The following CNTN1 variants were observed in gnomAD, a reference collection of about 807,000 sequenced individuals.
The protein encoded by CNTN1 is contactin 1, also known as contactin-1.
A neutral mutation model predicts 126.4 loss-of-function variants in CNTN1; 38 were observed. The ratio of observed to expected loss-of-function variants is 0.30; its 90% CI spans 0.23 to 0.39. The LOEUF is 0.39. Among genes scored for constraint, CNTN1 ranks in the 10% least tolerant of loss-of-function variants. CNTN1 has a pLI of 1.00. For missense variants in CNTN1, 1,009 were observed against 1,248.4 expected (o/e 0.81, Z 2.89); for synonymous variants, 413 against 422.6 (o/e 0.98, Z 0.28).
At chr12:41,029,371 T>A in intron 23 of CNTN1, 152 bp downstream of exon 23, 1 of 856,546 alleles carries the variant, frequency 1.2e-6, no homozygotes, top group Admixed American at 1.9e-5. Context: ...ACTTGGTATT[T>A]CTCCTCTTAT....
rs1949357546 is a variant in CNTN1, at chr12:41,039,848, A to G, written c.2980+10629A>G. On this transcript the variant is annotated intron_variant, in intron 23 of 23. Transcript: ENST00000551295. ...TACTTCTAGTTAAAGAATAATTAAA[A>G]TTGCTGAACAGAGTCAGTATTATAT... Among the ~76,000 whole-genome samples the G allele has an allele frequency of 2.0e-5, 3 of 150,684 alleles. No homozygotes were observed. The South Asian group carries it at 6.2e-4, about 31-fold the overall frequency.
chr12:40,868,596 T>C (rs1488584961), intron 1 of CNTN1, among the ~76,000 whole-genome samples: 1 of 152,128 alleles, frequency 6.6e-6, no homozygotes, highest in African/African-American at 2.4e-5. Flanking sequence ...TGCGTTAGCC[T>C]CCCGGAACTA....
Position 40,834,954 on chromosome 12 carries a change from C to T in CNTN1, c.-76-73403C>T, listed in dbSNP as rs192482865. Among the ~76,000 whole-genome samples, 11 of 152,104 alleles carry T rather than the reference C, an allele frequency of 7.2e-5. No individual in the cohort carries two copies. The East Asian group carries it at 2.1e-3, about 29-fold the overall frequency. ...GGGTTTCCTATAAATTGAGTTCTGG[C>T]CCTGGCTTGGTTAATGTATGAGGCT... is the stretch of plus-strand genomic sequence containing the variant. On this transcript the variant is annotated intron_variant, in intron 1 of 23. Coordinates refer to ENST00000551295, the MANE Select transcript of CNTN1 (RefSeq NM_001843.4).
chr12:40,828,820 T>G (rs572141298), intron 1 of CNTN1, among the ~76,000 whole-genome samples: 26 of 152,312 alleles, frequency 1.7e-4, no homozygotes, highest in Non-Finnish European at 3.2e-4. Flanking sequence ...TGGACTAGCA[T>G]GTCCTTGAGG....
chr12:40,784,288 C>A (rs1295382384), intron 1 of CNTN1, among the ~76,000 whole-genome samples: 1 of 152,086 alleles, frequency 6.6e-6, no homozygotes, highest in Non-Finnish European at 1.5e-5. Flanking sequence ...CTGCTACTTA[C>A]TTTTCTCACA....
chr12:40,759,292 T>C (rs1342861134), intron 1 of CNTN1, among the ~76,000 whole-genome samples: 1 of 152,174 alleles, frequency 6.6e-6, no homozygotes, highest in East Asian at 1.9e-4. Context: ...TGCTTAGTTC[T>C]GATTGGTTGA....
At chr12:41,037,861 T>A (rs1337724754) in intron 23 of CNTN1, among the ~76,000 whole-genome samples, 1 of 152,124 alleles carries the variant, frequency 6.6e-6, no homozygotes, top group Non-Finnish European at 1.5e-5. Flanking sequence ...GTATTGTTTT[T>A]AAATTATGTT....
chr12:40,991,833 A>AAACT (rs1452923085), intron 16 of CNTN1, among the ~76,000 whole-genome samples: 1 of 149,384 alleles, frequency 6.7e-6, no homozygotes, highest in East Asian at 1.9e-4. Flanking sequence ...GTCTCAAAAC[A>AAACT]AACAAACAAA....
intron 1 of CNTN1, among the ~76,000 whole-genome samples, chr12:40,772,365 G>T (rs922276054): frequency 6.6e-6 from 1 of 151,896 alleles, no homozygotes; most frequent in African/African-American, 2.4e-5. Flanking sequence ...TGTAATAGAT[G>T]ACTTCCATAG....
At chr12:40,947,762 T>G (rs1946480437) in intron 14 of CNTN1, among the ~76,000 whole-genome samples, 2 of 70,100 alleles carry the variant, frequency 2.9e-5, no homozygotes, top group Admixed American at 1.8e-4. Flanking sequence ...TTGTCACTAT[T>G]TCATATATAT....
At chr12:40,733,242 C>T (rs554850086) in intron 1 of CNTN1, among the ~76,000 whole-genome samples, 7 of 151,916 alleles carry the variant, frequency 4.6e-5, no homozygotes, top group South Asian at 2.1e-4. Flanking sequence ...TGCCTCCTAA[C>T]GAAAAGCTTA....
chr12:40,865,424 C>T (rs932841669), intron 1 of CNTN1, among the ~76,000 whole-genome samples: 9 of 152,016 alleles, frequency 5.9e-5, no homozygotes, highest in Admixed American at 1.3e-4. Context: ...TGGCCTAACT[C>T]GTGGTCAAAG....
At chr12:41,037,030 T>C (rs1266640846) in intron 23 of CNTN1, among the ~76,000 whole-genome samples, 2 of 152,192 alleles carry the variant, frequency 1.3e-5, no homozygotes, top group Admixed American at 6.5e-5. Flanking sequence ...TAAAATTCTG[T>C]TCATGCCCTT....
At position 40,870,651 on chromosome 12, in the gene CNTN1, A is replaced by C. The variant is rs113821080; in HGVS notation, c.-76-37706A>C. Among the ~76,000 whole-genome samples, 708 of 152,248 alleles carry C rather than the reference A, an allele frequency of 4.7e-3. 6 individuals carry two copies. Among genetic ancestry groups the C allele is most frequent in the African/African-American group, 0.013 (529 of 41,542 alleles). ...TGCTAACATAGATGCTATGGTAGGG[A>C]AAGGTTATGGGTGAAGGAATGACAG... On this transcript the variant is annotated intron_variant, in intron 1 of 23. Coordinates refer to ENST00000551295, the MANE Select transcript of CNTN1 (RefSeq NM_001843.4).
At chr12:40,803,767 G>C (rs955419044) in intron 1 of CNTN1, among the ~76,000 whole-genome samples, 3 of 151,716 alleles carry the variant, frequency 2.0e-5, no homozygotes, top group Non-Finnish European at 4.4e-5. Flanking sequence ...GAGGAGAGGG[G>C]AAGAGGGAAG....
intron 17 of CNTN1, among the ~76,000 whole-genome samples, chr12:41,009,512 C>T (rs937435509): frequency 6.6e-6 from 1 of 152,146 alleles, no homozygotes; most frequent in African/African-American, 2.4e-5. Context: ...GTTAAAACTC[C>T]CAAGGTCATT....
At chr12:40,895,509 G>A (rs570157184) in intron 1 of CNTN1, among the ~76,000 whole-genome samples, 1 of 152,240 alleles carries the variant, frequency 6.6e-6, no homozygotes, top group South Asian at 2.1e-4. Flanking sequence ...ATGTGGTGAA[G>A]GGACTGCGTG....
intron 15 of CNTN1, among the ~76,000 whole-genome samples, chr12:40,977,994 G>A (rs1449956442): frequency 2.0e-5 from 3 of 151,850 alleles, no homozygotes; most frequent in Non-Finnish European, 2.9e-5. Context: ...GTAGAGATCC[G>A]GTTTCACTAT....
chr12:40,811,250 C>T (rs1941049465), intron 1 of CNTN1, among the ~76,000 whole-genome samples: 1 of 152,024 alleles, frequency 6.6e-6, no homozygotes, highest in South Asian at 2.1e-4. Context: ...TAGTATCATC[C>T]ATAATGTATT....
Sources: allele counts gnomAD v4.1 joint callset (sites outside exome capture counted in the v4.1 genomes callset), GRCh38; gene constraint gnomAD v4.1.1; transcripts MANE v1.5; gene names NCBI Gene and HGNC (gene_info 2026-07-23, HGNC 2026-07-21).